HTR1F: variants seen among roughly 807,000 people sequenced by gnomAD.
The protein encoded by HTR1F is 5-hydroxytryptamine (serotonin) receptor 1F, G protein-coupled.
In HTR1F, 17 loss-of-function variants were observed where a neutral mutation model predicts 24.0. The observed-to-expected ratio is 0.71, with a 90% CI of 0.48 to 1.06. HTR1F has a LOEUF of 1.06. Ranked by LOEUF, HTR1F falls within the 50% of genes least tolerant of loss-of-function variation. HTR1F has a pLI of 0.00. For missense variants in HTR1F, 391 were observed against 427.8 expected (o/e 0.91, Z 0.76); for synonymous variants, 186 against 156.8 (o/e 1.19, Z -1.39).
rs1426910305 is a variant in HTR1F at position 87,857,177 on chromosome 3, T to C, written c.-43+35053T>C. Among the ~76,000 whole-genome samples, 4 of 152,082 alleles carry C rather than the reference T, an allele frequency of 2.6e-5. No homozygotes were observed. The East Asian group carries it at 7.7e-4, about 29-fold the overall frequency. ...GAATGGAGACAAGCAGATAAAACTG[T>C]CTCAGGTTTTTCAGAACTACAACTT... is the stretch of plus-strand genomic sequence containing the variant. On this transcript the variant is annotated intron_variant, in intron 2 of 2. Transcript: ENST00000319595.
chr3:87,894,618 G>A (rs1322918460), intron 2 of HTR1F, among the ~76,000 whole-genome samples: 1 of 143,340 alleles, frequency 7.0e-6, no homozygotes, highest in Non-Finnish European at 1.5e-5. Flanking sequence ...CCAGGCTGGA[G>A]TGCCCAGCCT....
intron 2 of HTR1F, among the ~76,000 whole-genome samples, chr3:87,966,760 C>T (rs1228675399): frequency 2.0e-5 from 3 of 152,108 alleles, no homozygotes; most frequent in African/African-American, 7.2e-5. Flanking sequence ...TTCTTAAGTA[C>T]ATTAACTCAT....
intron 2 of HTR1F, among the ~76,000 whole-genome samples, chr3:87,941,245 T>A (rs1704560440): frequency 6.6e-6 from 1 of 152,180 alleles, no homozygotes; most frequent in Non-Finnish European, 1.5e-5. Flanking sequence ...AATGGTCTGG[T>A]TATTTTACCA....
chr3:87,910,248 A>G lies in HTR1F; in HGVS notation c.-42-80460A>G, dbSNP rs190278206. The G allele has an allele frequency of 2.6e-5, 4 of 152,136 alleles. No individual in the cohort carries two copies. The East Asian group carries it at 7.7e-4, about 29-fold the overall frequency. The allele number at this position is 152,136 out of a possible 1,614,324, so 9.4% of individuals were successfully genotyped here. ...TTGTATGAAAGGAGAAAAGGTTACCATACTCCTTGACAAGGATGGAAGAGG... is the reference window on the plus strand; with the variant it reads ...TTGTATGAAAGGAGAAAAGGTTACCGTACTCCTTGACAAGGATGGAAGAGG... On this transcript the variant is annotated intron_variant, in intron 2 of 2. Coordinates refer to ENST00000319595, the MANE Select transcript of HTR1F (RefSeq NM_001322209.2).
intron 2 of HTR1F, among the ~76,000 whole-genome samples, chr3:87,886,497 C>T (rs1705947757): frequency 6.6e-6 from 1 of 152,116 alleles, no homozygotes; most frequent in African/African-American, 2.4e-5. Flanking sequence ...CCAGGGCAAT[C>T]AGGCAAGAGA....
At chr3:87,961,620 A>G (rs1289976068) in intron 2 of HTR1F, among the ~76,000 whole-genome samples, 5 of 152,044 alleles carry the variant, frequency 3.3e-5, no homozygotes, top group South Asian at 4.1e-4. Context: ...AATGAATGAA[A>G]CATAACTTTA....
intron 2 of HTR1F, among the ~76,000 whole-genome samples, chr3:87,981,031 G>C (rs1303986194): frequency 6.6e-6 from 1 of 152,122 alleles, no homozygotes; most frequent in Admixed American, 6.5e-5. Context: ...CAACTCAGAA[G>C]GGTGCAGGGT....
chr3:87,924,691 T>A lies in HTR1F; in HGVS notation c.-42-66017T>A, dbSNP rs1283603253. Among the ~76,000 whole-genome samples, 5 of 152,148 alleles carry A rather than the reference T, an allele frequency of 3.3e-5. No homozygotes were observed. In the East Asian group the frequency reaches 5.8e-4, roughly 18 times the overall value. ...TTCTTTCAGCACTTTGAACATATTA[T>A]CCATTGTCTCCTGGTATGTATGGTT... On this transcript the variant is annotated intron_variant, in intron 2 of 2. Coordinates refer to ENST00000319595, the MANE Select transcript of HTR1F (RefSeq NM_001322209.2).
intron 2 of HTR1F, among the ~76,000 whole-genome samples, chr3:87,868,224 T>C (rs1705470360): frequency 1.3e-5 from 2 of 152,124 alleles, no homozygotes; most frequent in Non-Finnish European, 2.9e-5. Context: ...TTGTTTCTTC[T>C]AGCCCTTTTA....
intron 2 of HTR1F, among the ~76,000 whole-genome samples, chr3:87,979,042 GGGAGGGAGGGAGGGA>G (rs1705470956): frequency 4.5e-4 from 1 of 2,212 alleles, no homozygotes; most frequent in East Asian, 0.017. Flanking sequence ...GAGGGAGGGG[GGGAGGGAGGGAGGGA>G]GGGGGGGGAG....
chr3:87,845,008 A>G (rs2107188152), intron 2 of HTR1F, among the ~76,000 whole-genome samples: 1 of 151,856 alleles, frequency 6.6e-6, no homozygotes, highest in South Asian at 2.1e-4. Flanking sequence ...TAGATGCAGA[A>G]AAGGCCTTTG....
At chr3:87,924,653 G>T (rs1704083540) in intron 2 of HTR1F, among the ~76,000 whole-genome samples, 1 of 152,050 alleles carries the variant, frequency 6.6e-6, no homozygotes, top group Admixed American at 6.6e-5. Context: ...ACTATTCTTG[G>T]CTGTCAGTAT....
At chr3:87,927,461 G>A (rs143578150) in intron 2 of HTR1F, among the ~76,000 whole-genome samples, 35 of 152,190 alleles carry the variant, frequency 2.3e-4, no homozygotes, top group Admixed American at 1.1e-3. Context: ...TCCAGAAAAT[G>A]TGTCTTAGAA....
intron 2 of HTR1F, among the ~76,000 whole-genome samples, chr3:87,849,026 T>C (rs1267241796): frequency 3.3e-5 from 5 of 151,476 alleles, no homozygotes; most frequent in Non-Finnish European, 5.9e-5. Context: ...AAAATGGCCA[T>C]ACTGCCCAAG....
intron 2 of HTR1F, among the ~76,000 whole-genome samples, chr3:87,964,459 C>T (rs1705123793): frequency 6.6e-6 from 1 of 152,114 alleles, no homozygotes; most frequent in Non-Finnish European, 1.5e-5. Flanking sequence ...TGCCCTCCTC[C>T]TCCCTGAGCC....
chr3:87,931,368 G>T (rs1415236827), intron 2 of HTR1F, among the ~76,000 whole-genome samples: 1 of 152,136 alleles, frequency 6.6e-6, no homozygotes, highest in Non-Finnish European at 1.5e-5. Flanking sequence ...TCCCTACAAA[G>T]GACGTGAACT....
rs188928665 is a variant in HTR1F, at chr3:87,976,790, A to C, written c.-42-13918A>C. Among the ~76,000 whole-genome samples, 255 of 152,282 alleles carry C rather than the reference A, an allele frequency of 1.7e-3. 1 individual carries two copies. The highest frequency in any genetic ancestry group is 5.6e-3 in the African/African-American group (232 of 41,548). ...ATATCTTGCACGTAGTTAAATATCAACTTTTTAGTAACTTTCCAGTAAGGG... is the reference window on the plus strand; with the variant it reads ...ATATCTTGCACGTAGTTAAATATCACCTTTTTAGTAACTTTCCAGTAAGGG... On this transcript the variant is annotated intron_variant, in intron 2 of 2. Coordinates refer to ENST00000319595, the MANE Select transcript of HTR1F (RefSeq NM_001322209.2).
At chr3:87,986,701 AG>A (rs1391109936) in intron 2 of HTR1F, among the ~76,000 whole-genome samples, 1 of 152,216 alleles carries the variant, frequency 6.6e-6, no homozygotes, top group Non-Finnish European at 1.5e-5. Flanking sequence ...AATCTCTGGA[AG>A]ATCTCTTATG....
chr3:87,927,965 T>G (rs1425556382), intron 2 of HTR1F, among the ~76,000 whole-genome samples: 2 of 152,080 alleles, frequency 1.3e-5, no homozygotes, highest in Non-Finnish European at 2.9e-5. Context: ...ATTGGTGGCT[T>G]AATAAACTTA....
Sources: allele counts gnomAD v4.1 joint callset (sites outside exome capture counted in the v4.1 genomes callset), GRCh38; gene constraint gnomAD v4.1.1; transcripts MANE v1.5; gene names NCBI Gene and HGNC (gene_info 2026-07-23, HGNC 2026-07-21).